PEX14: variants seen among roughly 807,000 people sequenced by gnomAD.
The protein encoded by PEX14 is peroxisomal biogenesis factor 14.
Under a neutral mutation model 49.5 loss-of-function variants are expected in PEX14, and 15 were observed. The ratio of observed to expected loss-of-function variants is 0.30; its 90% confidence interval spans 0.20 to 0.47. PEX14 has a LOEUF of 0.47. Ranked by LOEUF, PEX14 falls within the 20% of genes least tolerant of loss-of-function variation. The pLI, the probability that PEX14 is intolerant of heterozygous loss-of-function variation, is 1.00. For synonymous variants in PEX14, 210 were observed against 212.7 expected, an observed-to-expected ratio of 0.99 and a Z score of 0.11; for missense variants, 398 against 494.8, an observed-to-expected ratio of 0.80 and a Z score of 1.86.
intron 2 of PEX14, among the ~76,000 whole-genome samples, chr1:10,517,326 T>C (rs772983715): frequency 1.6e-4 from 25 of 152,274 alleles, no homozygotes; most frequent in African/African-American, 4.8e-4. Flanking sequence ...CCCTCTCCTA[T>C]TGGGGGCAGA....
chr1:10,562,914 C>CTT lies in PEX14; in HGVS notation c.169+26620_169+26621dup, dbSNP rs35438761. ...GGTGATTTTCTTTTTTTCTTTCTTTCTTTTCTTTTTTTTTAGAGACAGAGT... is the reference window on the plus strand; with the variant it reads ...GGTGATTTTCTTTTTTTCTTTCTTTCTTTTTTCTTTTTTTTTAGAGACAGAGT... On this transcript the variant is annotated intron_variant, in intron 3 of 8. Coordinates refer to ENST00000356607, the MANE Select transcript of PEX14 (RefSeq NM_004565.3). Among the ~76,000 whole-genome samples, 134 of 146,074 alleles carry CTT rather than the reference C, an allele frequency of 9.2e-4. 2 individuals are homozygous for CTT. The highest frequency in any genetic ancestry group is 1.6e-3 in the Admixed American group (23 of 14,480).
At chr1:10,614,523 C>T (rs1272640861) in intron 4 of PEX14, among the ~76,000 whole-genome samples, 2 of 152,172 alleles carry the variant, frequency 1.3e-5, no homozygotes, top group African/African-American at 4.8e-5. Flanking sequence ...ACACAGCCAG[C>T]GTCTGCTCAG....
intron 4 of PEX14, among the ~76,000 whole-genome samples, chr1:10,608,790 C>A (rs142929145): frequency 4.7e-4 from 71 of 151,848 alleles, no homozygotes; most frequent in African/African-American, 1.7e-3. Context: ...TCATACAACT[C>A]ATCCATTTCA....
At position 10,501,368 on chromosome 1, in the gene PEX14, G is replaced by T. The variant is rs145209078; in HGVS notation, c.84+6047G>T. 5.3e-3 allele frequency among the ~76,000 whole-genome samples: 803 copies of T among 152,146 alleles called. 10 individuals are homozygous for T. Among genetic ancestry groups the T allele is most frequent in the African/African-American group, 0.018 (767 of 41,524 alleles). ...CTAGAGTGCTGGAGTGCAGTGGCAC[G>T]ATCTCGGCTCACTGCAGGCTCTGCC... On this transcript the variant is annotated intron_variant, in intron 2 of 8. Transcript: ENST00000356607.
chr1:10,604,242 G>A (rs1274972502), intron 4 of PEX14, among the ~76,000 whole-genome samples: 6 of 152,164 alleles, frequency 3.9e-5, no homozygotes, highest in African/African-American at 9.7e-5. Flanking sequence ...TGGATGTGGC[G>A]GGCTGCTTGG....
chr1:10,618,449 G>A (rs1326764084), intron 5 of PEX14, 32 bp downstream of exon 5: 5 of 1,520,590 alleles, frequency 3.3e-6, no homozygotes, highest in Non-Finnish European at 4.6e-6. Flanking sequence ...CAGGTGCTGT[G>A]CCCCTGCCAC....
intron 2 of PEX14, among the ~76,000 whole-genome samples, chr1:10,532,759 AATG>A (rs776308152): frequency 2.0e-5 from 3 of 152,182 alleles, no homozygotes; most frequent in Non-Finnish European, 4.4e-5. Flanking sequence ...TAGAAAATCA[AATG>A]ATAATACAGG....
intron 3 of PEX14, among the ~76,000 whole-genome samples, chr1:10,550,231 G>A (rs565511839): frequency 3.3e-5 from 5 of 152,290 alleles, no homozygotes; most frequent in Non-Finnish European, 7.4e-5. Context: ...TGAGAATCCC[G>A]GGCAGAAAGG....
intron 4 of PEX14, among the ~76,000 whole-genome samples, chr1:10,611,998 C>A (rs950016813): frequency 6.6e-6 from 1 of 152,084 alleles, no homozygotes; most frequent in East Asian, 1.9e-4. Context: ...TTGATGGTGT[C>A]CATTTGATCA....
At chr1:10,594,153 C>T (rs1640757222) in intron 3 of PEX14, among the ~76,000 whole-genome samples, 1 of 152,228 alleles carries the variant, frequency 6.6e-6, no homozygotes, top group Non-Finnish European at 1.5e-5. Context: ...TTGTACTCTA[C>T]TGTTCCAACA....
intron 1 of PEX14, among the ~76,000 whole-genome samples, chr1:10,482,618 G>C (rs1440582917): frequency 6.6e-6 from 1 of 151,932 alleles, no homozygotes; most frequent in Non-Finnish European, 1.5e-5. Context: ...ATTTTTAGTA[G>C]AGATGGGGTT....
Position 10,587,929 on chromosome 1 carries a change from A to AAAAAG in PEX14, c.170-11308_170-11307insAAAGA, listed in dbSNP as rs1452840100. On this transcript the variant is annotated intron_variant, in intron 3 of 8. Transcript: ENST00000356607. ...TTTTTTTTTTTTTTTTTAAAAAAAA[A>AAAAAG]AGAGATGGAGTCTTGGCCAGGCACA... Among the ~76,000 whole-genome samples, 241 of 147,480 alleles carry AAAAAG rather than the reference A, an allele frequency of 1.6e-3. 2 individuals carry two copies. Among genetic ancestry groups the AAAAAG allele is most frequent in the African/African-American group, 5.8e-3 (231 of 39,780 alleles).
At chr1:10,522,510 G>A (rs1285297932) in intron 2 of PEX14, among the ~76,000 whole-genome samples, 1 of 152,218 alleles carries the variant, frequency 6.6e-6, no homozygotes, top group African/African-American at 2.4e-5. Flanking sequence ...GAGTCCCTAG[G>A]TCATGGGTGG....
rs1022211089 is a variant in PEX14, at chr1:10,539,679, G to A, written c.169+3382G>A. 6.6e-6 allele frequency among the ~76,000 whole-genome samples: 1 copy of A among 152,132 alleles called. No individual in the cohort carries two copies. The highest frequency in any genetic ancestry group is 1.5e-5 in the Non-Finnish European group (1 of 68,026). The stretch of plus-strand genomic sequence containing the variant: ...CTGCAATCCAGGAGGTTAGAGTAAC[G>A]TAAAAACAGCAATAGAATCAGTCCA... On this transcript the variant is annotated intron_variant, in intron 3 of 8. Coordinates refer to ENST00000356607, the MANE Select transcript of PEX14 (RefSeq NM_004565.3). The surrounding 1 kb of genome is among the most constrained non-coding windows in gnomAD (Gnocchi z 4.6).
At chr1:10,555,642 A>AGTGTGTGTGT (rs56824548) in intron 3 of PEX14, among the ~76,000 whole-genome samples, 25,181 of 149,266 alleles carry the variant, frequency 0.17, 2,114 homozygotes, top group Admixed American at 0.18. Context: ...GCAAGGTGTG[A>AGTGTGTGTGT]GTGTGTGTGT....
rs1641515138 is a variant in PEX14 at position 10,494,019 on chromosome 1, A to G, written c.37-1255A>G. ...CCAATGCCTGGAGCTTTGGGAGGAC[A>G]GGAGGCAGGGAGGCAGGGGAAGCTT... On this transcript the variant is annotated intron_variant, in intron 1 of 8. Transcript: ENST00000356607. The surrounding 1 kb of genome is among the most constrained non-coding windows in gnomAD (Gnocchi z 4.3). Among the ~76,000 whole-genome samples the G allele has an allele frequency of 6.6e-6, 1 of 152,188 alleles. No individual in the cohort carries two copies. Among genetic ancestry groups the G allele is most frequent in the African/African-American group, 2.4e-5 (1 of 41,448 alleles).
In PEX14 at chr1:10,613,970, C is replaced by T. The variant is rs1570352074; in HGVS notation, c.299-4362C>T. On this transcript the variant is annotated intron_variant, in intron 4 of 8. Coordinates refer to ENST00000356607, the MANE Select transcript of PEX14 (RefSeq NM_004565.3). This position sits in a 1 kb window ranked among gnomAD's most constrained non-coding sequence, Gnocchi z 5.0. ...TCTCCTGCCCTTGTCTTTATACCTC[C>T]GGACATTCAGGGAGCCTGGTGGCGG... Among the ~76,000 whole-genome samples, 2 of 152,232 alleles carry T rather than the reference C, an allele frequency of 1.3e-5. No homozygotes were observed. The highest frequency in any genetic ancestry group is 4.8e-5 in the African/African-American group (2 of 41,460).
intron 4 of PEX14, among the ~76,000 whole-genome samples, chr1:10,601,873 G>A (rs868374109): frequency 5.9e-5 from 9 of 152,194 alleles, no homozygotes; most frequent in Middle Eastern, 3.2e-3. Flanking sequence ...GATAGGCAGC[G>A]GCAGCTGGGG....
intron 2 of PEX14, chr1:10,528,278 A>C (rs1429416719): frequency 1.0e-6 from 1 of 979,920 alleles, no homozygotes; most frequent in Admixed American, 6.2e-5. Context: ...AGAGAGCTTC[A>C]CCAATCTCCA....
Sources: allele counts gnomAD v4.1 joint callset (sites outside exome capture counted in the v4.1 genomes callset), GRCh38; gene constraint gnomAD v4.1.1; non-coding constraint Gnocchi (gnomAD v3.1); transcripts MANE v1.5; gene names NCBI Gene and HGNC (gene_info 2026-07-23, HGNC 2026-07-21).